Variants in GPR139 observed in about 807,000 individuals in gnomAD.
GPR139 encodes the protein probable G protein-coupled receptor 139.
GPR139 carries 12 observed loss-of-function variants against 25.8 expected under a neutral mutation model. That is an observed-to-expected ratio of 0.47 (90% CI 0.30 to 0.75). GPR139 has a LOEUF of 0.75. Among genes scored for constraint, GPR139 ranks in the 30% least tolerant of loss-of-function variants. The pLI, the probability that GPR139 is intolerant of heterozygous loss-of-function variation, is 0.07. For synonymous variants in GPR139, 184 were observed against 179.9 expected (o/e 1.02, Z -0.18); for missense variants, 380 against 450.2 (o/e 0.84, Z 1.41).
chr16:20,032,914 A>G (rs2057296484), intron 1 of GPR139, among the ~76,000 whole-genome samples: 1 of 151,836 alleles, frequency 6.6e-6, no homozygotes, highest in Non-Finnish European at 1.5e-5. Flanking sequence ...CTCATCTTAG[A>G]AGTGAAACTG....
intron 1 of GPR139, among the ~76,000 whole-genome samples, chr16:20,047,572 A>T (rs935503861): frequency 4.6e-5 from 7 of 152,212 alleles, no homozygotes; most frequent in African/African-American, 1.7e-4. Flanking sequence ...AACACGTGAC[A>T]TCGGGGGGAA....
At chr16:20,068,300 C>T (rs1875247476) in intron 1 of GPR139, among the ~76,000 whole-genome samples, 1 of 151,002 alleles carries the variant, frequency 6.6e-6, no homozygotes, top group African/African-American at 2.4e-5. Context: ...TTCCTCAGCT[C>T]CAGAAAATTG....
At chr16:20,032,825 C>A (rs1033572472) in intron 1 of GPR139, among the ~76,000 whole-genome samples, 156 bp from the exon 2 acceptor site, 2 of 152,232 alleles carry the variant, frequency 1.3e-5, no homozygotes, top group African/African-American at 4.8e-5. Flanking sequence ...ACAAATAGCA[C>A]CTCATACAAT....
At chr16:20,034,760 C>A (rs76554790) in intron 1 of GPR139, among the ~76,000 whole-genome samples, 28,038 of 152,146 alleles carry the variant, frequency 0.18, 3,357 homozygotes, top group East Asian at 0.35. Context: ...TGTCATTCAA[C>A]ATTGTATTTT....
intron 1 of GPR139, among the ~76,000 whole-genome samples, chr16:20,048,249 A>G (rs2057360473): frequency 6.6e-6 from 1 of 152,162 alleles, no homozygotes; most frequent in Non-Finnish European, 1.5e-5. Flanking sequence ...TTTGGTGTTC[A>G]GTGTGTGGGA....
intron 1 of GPR139, among the ~76,000 whole-genome samples, chr16:20,039,734 G>A (rs974992758): frequency 6.6e-6 from 1 of 152,132 alleles, no homozygotes; most frequent in African/African-American, 2.4e-5. Context: ...ACTCAGGGGA[G>A]TTTATACATT....
chr16:20,048,250 G>A (rs1486713614), intron 1 of GPR139, among the ~76,000 whole-genome samples: 3 of 152,192 alleles, frequency 2.0e-5, no homozygotes, highest in African/African-American at 7.2e-5. Context: ...TTGGTGTTCA[G>A]TGTGTGGGAG....
Position 20,029,892 on chromosome 16 carries a change from G to A in GPR139, c.*1843C>T, listed in dbSNP as rs2057281251. Among the ~76,000 whole-genome samples the A allele has an allele frequency of 6.6e-6, 1 of 152,184 alleles. No homozygotes were observed. The highest frequency in any genetic ancestry group is 1.5e-5 in the Non-Finnish European group (1 of 68,040). On this transcript the variant is annotated 3_prime_UTR_variant, in exon 2 of 2. Transcript: ENST00000570682. ...TGTTCCAATGCTAGAGAAAAACTTA[G>A]CTGTGTTAGGTTTTGAAAGCAATGG...
intron 1 of GPR139, among the ~76,000 whole-genome samples, chr16:20,056,883 C>A (rs2057390083): frequency 6.6e-6 from 1 of 152,132 alleles, no homozygotes; most frequent in Admixed American, 6.5e-5. Context: ...GAAGAGGGAA[C>A]TCAATTTCCA....
At chr16:20,066,341 C>T (rs1448795202) in intron 1 of GPR139, among the ~76,000 whole-genome samples, 7 of 152,202 alleles carry the variant, frequency 4.6e-5, no homozygotes, top group African/African-American at 1.7e-4. Context: ...GTTTGTCGGT[C>T]TCTGCCAGCT....
intron 1 of GPR139, among the ~76,000 whole-genome samples, chr16:20,062,944 A>C (rs2057419104): frequency 6.6e-6 from 1 of 152,198 alleles, no homozygotes; most frequent in South Asian, 2.1e-4. Context: ...TTTTCATCGG[A>C]AGTCTCTGAC....
Position 20,028,342 on chromosome 16 carries a change from T to C in GPR139, c.*3393A>G, listed in dbSNP as rs1424702793. On this transcript the variant is annotated 3_prime_UTR_variant, in exon 2 of 2. Transcript: ENST00000570682. ...ACAATTATGATTTATCAATTAAAAATAATAGTAATAAAAATCAGCATACTG... is the reference window on the plus strand; with the variant it reads ...ACAATTATGATTTATCAATTAAAAACAATAGTAATAAAAATCAGCATACTG... 6.6e-6 allele frequency among the ~76,000 whole-genome samples: 1 copy of C among 152,172 alleles called. No individual in the cohort carries two copies. Among genetic ancestry groups the C allele is most frequent in the Non-Finnish European group, 1.5e-5 (1 of 68,036 alleles).
At chr16:20,067,688 C>T (rs2057440323) in intron 1 of GPR139, among the ~76,000 whole-genome samples, 1 of 151,860 alleles carries the variant, frequency 6.6e-6, no homozygotes, top group South Asian at 2.1e-4. Context: ...CCTGTAATCC[C>T]AGCTACTTGG....
intron 1 of GPR139, among the ~76,000 whole-genome samples, chr16:20,055,291 C>A (rs114677043): frequency 0.011 from 1,606 of 152,268 alleles, 35 homozygotes; most frequent in African/African-American, 0.036. Context: ...TTATCTTTAG[C>A]AAACTAACAC....
At chr16:20,043,280 A>G (rs2057343033) in intron 1 of GPR139, among the ~76,000 whole-genome samples, 1 of 152,134 alleles carries the variant, frequency 6.6e-6, no homozygotes, top group South Asian at 2.1e-4. Context: ...GAACCATAAT[A>G]ACTGCCAGAC....
chr16:20,032,008 T>A lies in GPR139; in HGVS notation c.789A>T (p.Val263=), dbSNP rs2147865. 1 of 1,613,894 alleles carries A rather than the reference T, an allele frequency of 6.2e-7. No homozygotes were observed. The highest frequency in any genetic ancestry group is 8.5e-7 in the Non-Finnish European group (1 of 1,179,956). ...YGAPIQNRWL[V]HIMSDIANML... is the part of the protein sequence containing the mutation. ...TGTTGGCAATGTCGGACATGATGTGTACCAGCCAGCGGTTCTGGATGGGCG... is the reference window on the plus strand; with the variant it reads ...TGTTGGCAATGTCGGACATGATGTGAACCAGCCAGCGGTTCTGGATGGGCG... Residue 263 remains valine, a synonymous_variant, in exon 2 of 2, where the codon GTA becomes GTT. Coordinates refer to ENST00000570682, the MANE Select transcript of GPR139 (RefSeq NM_001002911.4).
chr16:20,048,579 G>A (rs764441413), intron 1 of GPR139, among the ~76,000 whole-genome samples: 23 of 152,198 alleles, frequency 1.5e-4, no homozygotes, highest in Non-Finnish European at 2.4e-4. Flanking sequence ...GGGCACTTCC[G>A]GTGAGCAGGA....
intron 1 of GPR139, among the ~76,000 whole-genome samples, chr16:20,035,973 T>C (rs982019919): frequency 2.6e-5 from 4 of 152,220 alleles, no homozygotes; most frequent in Non-Finnish European, 4.4e-5. Flanking sequence ...TGTGGTCAAA[T>C]ACGTGTGCAT....
In GPR139 at chr16:20,073,582, C is replaced by A. The variant is rs1460296053; in HGVS notation, c.35G>T (p.Ser12Ile). 1.9e-6 allele frequency: 3 copies of A among 1,611,470 alleles called. No homozygotes were observed. The African/African-American group carries it at 4.0e-5, about 21-fold the overall frequency. The change falls in exon 1 of 2, where the codon AGC becomes ATC. Residue 12 changes from serine (S) to isoleucine (I), a missense_variant. Coordinates refer to ENST00000570682, the MANE Select transcript of GPR139 (RefSeq NM_001002911.4). The surrounding 1 kb of genome is among the most constrained non-coding windows in gnomAD (Gnocchi z 4.7). ...GCCGGGGGACCACCAAGACAGCGAG[C>A]TGTTGGCTGCGAGGTGGGCGTGCGT... ...EHTHAHLAAN[S>I]SLSWWSPGSA...
Sources: gnomAD v4.1 joint callset for allele counts (sites outside exome capture counted in the v4.1 genomes callset) on GRCh38, gnomAD v4.1.1 for gene constraint, Gnocchi (gnomAD v3.1) non-coding constraint, MANE v1.5 for transcripts, NCBI Gene and HGNC (gene_info 2026-07-23, HGNC 2026-07-21) for gene names.